CSMD1: variants seen among roughly 807,000 people sequenced by gnomAD.
CSMD1 encodes the protein CUB and Sushi multiple domains 1.
In CSMD1, 213 loss-of-function variants were observed where a neutral mutation model predicts 417.5. The ratio of observed to expected loss-of-function variants is 0.51; its 90% CI spans 0.46 to 0.57. The LOEUF is 0.57. CSMD1 is among the 20% of genes least tolerant of loss of function. CSMD1 has a pLI of 0.00. For missense variants in CSMD1, 6,923 were observed against 4,529.7 expected (o/e 1.53, Z -15.17); for synonymous variants, 2,862 against 1,736.8 (o/e 1.65, Z -16.11).
chr8:3,091,708 C>T, intron 47 of CSMD1, 46 bp from the exon 48 acceptor site: 1 of 1,558,270 alleles, frequency 6.4e-7, no homozygotes, highest in Non-Finnish European at 8.7e-7. Flanking sequence ...GAGTGAGCAC[C>T]TACCAAATGC....
At chr8:3,708,173 G>A (rs1388477228) in intron 7 of CSMD1, among the ~76,000 whole-genome samples, 4 of 152,224 alleles carry the variant, frequency 2.6e-5, no homozygotes, top group Non-Finnish European at 1.5e-5. Flanking sequence ...GGAGGGTCCA[G>A]TCTCAGACAG....
At chr8:3,275,280 G>C (rs190171374) in intron 26 of CSMD1, among the ~76,000 whole-genome samples, 1 of 152,194 alleles carries the variant, frequency 6.6e-6, no homozygotes, top group Non-Finnish European at 1.5e-5. Context: ...GGCTTGTAGA[G>C]TTTCTGTCAA....
At chr8:3,346,378 A>T (rs887224096) in intron 22 of CSMD1, among the ~76,000 whole-genome samples, 1 of 152,180 alleles carries the variant, frequency 6.6e-6, no homozygotes, top group Non-Finnish European at 1.5e-5. Flanking sequence ...CTTTGCCTTA[A>T]AGGCTTACTG....
At chr8:4,327,736 G>T (rs764491150) in intron 3 of CSMD1, among the ~76,000 whole-genome samples, 14 of 152,166 alleles carry the variant, frequency 9.2e-5, no homozygotes, top group Non-Finnish European at 1.6e-4. Flanking sequence ...GAGACCTACT[G>T]TCCGAAAACA....
intron 1 of CSMD1, among the ~76,000 whole-genome samples, chr8:4,674,107 G>C (rs370699964): frequency 1.3e-5 from 2 of 152,264 alleles, no homozygotes; most frequent in South Asian, 2.1e-4. Context: ...ATATAAACCA[G>C]ATTCAAACAT....
chr8:3,571,968 C>G (rs1235509124), intron 10 of CSMD1, among the ~76,000 whole-genome samples: 2 of 152,116 alleles, frequency 1.3e-5, no homozygotes, highest in African/African-American at 4.8e-5. Flanking sequence ...CGTGGATCCC[C>G]CTAAAGCGCA....
At chr8:3,360,346 G>T (rs542882094) in intron 20 of CSMD1, among the ~76,000 whole-genome samples, 5 of 152,312 alleles carry the variant, frequency 3.3e-5, no homozygotes, top group Non-Finnish European at 4.4e-5. Context: ...GTTCTTTACA[G>T]CCAACTCCTT....
At chr8:3,817,595 G>C (rs1252804259) in intron 5 of CSMD1, among the ~76,000 whole-genome samples, 1 of 151,958 alleles carries the variant, frequency 6.6e-6, no homozygotes, top group African/African-American at 2.4e-5. Flanking sequence ...TTTATTTAGA[G>C]TCACAGAATA....
intron 3 of CSMD1, among the ~76,000 whole-genome samples, chr8:4,366,491 G>C (rs114212075): frequency 1.3e-5 from 2 of 152,072 alleles, no homozygotes; most frequent in Non-Finnish European, 2.9e-5. Context: ...TAAGTTCTTC[G>C]ATAAAACTCC....
chr8:3,984,795 G>A (rs547533433), intron 5 of CSMD1, among the ~76,000 whole-genome samples: 4 of 136,332 alleles, frequency 2.9e-5, no homozygotes, highest in Non-Finnish European at 4.7e-5. Context: ...GGGTGTAAAG[G>A]GAGATCACAC....
intron 3 of CSMD1, among the ~76,000 whole-genome samples, chr8:4,102,085 A>G (rs1191565207): frequency 6.6e-6 from 1 of 152,168 alleles, no homozygotes; most frequent in Non-Finnish European, 1.5e-5. Flanking sequence ...CGCTGCACTA[A>G]TTTCTGAAGT....
chr8:2,998,178 G>A lies in CSMD1; in HGVS notation c.8210C>T (p.Thr2737Ile). 2 of 1,613,900 alleles carry A rather than the reference G, an allele frequency of 1.2e-6. No homozygotes were observed. The highest frequency in any genetic ancestry group is 2.2e-5 in the South Asian group (2 of 91,080). ...SGQTPVCVPI[T>I]CGHPGNPAHG... ...GGCAGGGTTTCCAGGGTGACCACAT[G>A]TGATGGCTGTAGAGAGACAGGTCAA... is the stretch of plus-strand genomic sequence containing the variant. The change falls in exon 54 of 70, where the codon ACA becomes ATA. Residue 2737 changes from threonine to isoleucine, a missense_variant. Coordinates refer to ENST00000635120, the MANE Select transcript of CSMD1 (RefSeq NM_033225.6).
chr8:3,487,562 C>T (rs949113093), intron 11 of CSMD1, among the ~76,000 whole-genome samples: 4 of 152,146 alleles, frequency 2.6e-5, no homozygotes, highest in Admixed American at 2.0e-4. Context: ...CATCTAGTCA[C>T]AAGGAGGGTA....
At chr8:4,561,751 AT>A (rs1468805559) in intron 2 of CSMD1, among the ~76,000 whole-genome samples, 5 of 152,188 alleles carry the variant, frequency 3.3e-5, no homozygotes, top group Admixed American at 3.3e-4. Flanking sequence ...AAAGCTTATT[AT>A]TTTGCAGACA....
chr8:3,538,805 G>T (rs774807405), intron 10 of CSMD1, among the ~76,000 whole-genome samples: 2 of 152,170 alleles, frequency 1.3e-5, no homozygotes, highest in South Asian at 2.1e-4. Context: ...TGCACCAAGA[G>T]CCTGGTGGAA....
At chr8:4,704,358 A>G (rs1052804921) in intron 1 of CSMD1, among the ~76,000 whole-genome samples, 2 of 152,244 alleles carry the variant, frequency 1.3e-5, no homozygotes, top group Admixed American at 6.5e-5. Flanking sequence ...ACTTGATTAC[A>G]GTACTTATTG....
intron 3 of CSMD1, among the ~76,000 whole-genome samples, chr8:4,040,345 T>C (rs1470656039): frequency 6.6e-6 from 1 of 152,216 alleles, no homozygotes; most frequent in Middle Eastern, 3.2e-3. Flanking sequence ...GTAAGTACTA[T>C]TATTATGCCC....
intron 1 of CSMD1, among the ~76,000 whole-genome samples, chr8:4,907,678 C>G (rs1230450717): frequency 6.6e-6 from 1 of 151,908 alleles, no homozygotes; most frequent in Non-Finnish European, 1.5e-5. Context: ...TCCTAGTCAA[C>G]TACTAGAGTA....
rs1039768404 is a variant in CSMD1, at chr8:4,145,856, C to A, written c.416-113757G>T. ...CAGGAAGCAGAGCCGTTCACACCAG[C>A]TTTGAATTTGTTGAGTTTTCAAAAT... On this transcript the variant is annotated intron_variant, in intron 3 of 69. Coordinates refer to ENST00000635120, the MANE Select transcript of CSMD1 (RefSeq NM_033225.6). Among the ~76,000 whole-genome samples the A allele has an allele frequency of 2.0e-5, 3 of 151,236 alleles. No individual in the cohort carries two copies. The East Asian group carries it at 5.8e-4, about 29-fold the overall frequency.
Sources: allele counts gnomAD v4.1 joint callset (sites outside exome capture counted in the v4.1 genomes callset), GRCh38; gene constraint gnomAD v4.1.1; transcripts MANE v1.5; gene names NCBI Gene and HGNC (gene_info 2026-07-23, HGNC 2026-07-21).